Variants in KATNIP observed in about 807,000 individuals in gnomAD.
KATNIP encodes katanin interacting protein, also known as katanin-interacting protein.
KATNIP carries 126 observed loss-of-function variants against 174.0 expected under a neutral mutation model. The ratio of observed to expected loss-of-function variants is 0.72; its 90% CI spans 0.63 to 0.84. The LOEUF is 0.84. Among genes scored for constraint, KATNIP ranks in the 40% least tolerant of loss-of-function variants. The pLI is 0.00. For missense variants in KATNIP, 1,958 were observed against 2,109.7 expected (o/e 0.93, Z 1.41); for synonymous variants, 810 against 835.7 (o/e 0.97, Z 0.53).
At chr16:27,608,178 T>G (rs73533100) in intron 2 of KATNIP, among the ~76,000 whole-genome samples, 2,562 of 151,564 alleles carry the variant, frequency 0.017, 66 homozygotes, top group African/African-American at 0.058. Flanking sequence ...CCAATTCTAG[T>G]TTTTTTTTCC....
chr16:27,720,015 TTTGTTG>T (rs374344841), intron 13 of KATNIP, among the ~76,000 whole-genome samples: 7 of 151,928 alleles, frequency 4.6e-5, no homozygotes, highest in South Asian at 2.1e-4. Flanking sequence ...TTGTGTTTGC[TTTGTTG>T]TTGTTGTTGT....
chr16:27,635,147 C>T (rs2076597160), intron 5 of KATNIP, among the ~76,000 whole-genome samples: 1 of 152,142 alleles, frequency 6.6e-6, no homozygotes, highest in Admixed American at 6.5e-5. Context: ...TAAACAAAAG[C>T]CTTAATGATT....
At chr16:27,632,062 G>T (rs984966691) in intron 5 of KATNIP, among the ~76,000 whole-genome samples, 5 of 152,250 alleles carry the variant, frequency 3.3e-5, no homozygotes, top group Non-Finnish European at 7.3e-5. Flanking sequence ...CAACAGCTAA[G>T]AAGTGGCAGA....
At chr16:27,676,235 A>T (rs58980253) in intron 6 of KATNIP, among the ~76,000 whole-genome samples, 1 of 152,224 alleles carries the variant, frequency 6.6e-6, no homozygotes, top group Non-Finnish European at 1.5e-5. Flanking sequence ...TGTCTTACAT[A>T]TTCTGCTTTC....
At chr16:27,750,817 C>T (rs529560914) in intron 16 of KATNIP, among the ~76,000 whole-genome samples, 5 of 148,934 alleles carry the variant, frequency 3.4e-5, no homozygotes, top group African/African-American at 1.2e-4. Flanking sequence ...GCAGCTTCGA[C>T]CTCCTGGGCT....
At chr16:27,567,659 C>T (rs1596738913) in intron 1 of KATNIP, among the ~76,000 whole-genome samples, 1 of 152,164 alleles carries the variant, frequency 6.6e-6, no homozygotes, top group Non-Finnish European at 1.5e-5. Flanking sequence ...GAGTAGCTGG[C>T]ATTACAGGCA....
At chr16:27,725,210 A>G (rs1001433757) in intron 14 of KATNIP, among the ~76,000 whole-genome samples, 4 of 152,226 alleles carry the variant, frequency 2.6e-5, no homozygotes, top group African/African-American at 9.6e-5. Flanking sequence ...GCATGAATGA[A>G]TAACTGAACA....
At chr16:27,757,741 C>T (rs939152960) in intron 18 of KATNIP, among the ~76,000 whole-genome samples, 4 of 152,152 alleles carry the variant, frequency 2.6e-5, no homozygotes, top group Non-Finnish European at 5.9e-5. Flanking sequence ...TTTTCCTCAC[C>T]GTATTCAAAA....
chr16:27,756,600 C>T (rs938033086), intron 18 of KATNIP, among the ~76,000 whole-genome samples: 2 of 152,208 alleles, frequency 1.3e-5, no homozygotes. Flanking sequence ...ACATCAGAAG[C>T]CTGTGTGCAA....
At chr16:27,683,197 T>C (rs1429411937) in intron 8 of KATNIP, among the ~76,000 whole-genome samples, 2 of 152,212 alleles carry the variant, frequency 1.3e-5, no homozygotes, top group Non-Finnish European at 2.9e-5. Flanking sequence ...GCACAAGCCA[T>C]GCAGTACCAA....
At chr16:27,627,114 A>AT (rs2076357123) in intron 3 of KATNIP, among the ~76,000 whole-genome samples, 3 of 152,142 alleles carry the variant, frequency 2.0e-5, no homozygotes, top group South Asian at 4.1e-4. Context: ...TACTTGCTGC[A>AT]TTTTTGCGGT....
intron 3 of KATNIP, among the ~76,000 whole-genome samples, chr16:27,622,286 G>C (rs2076218212): frequency 6.6e-6 from 1 of 152,154 alleles, no homozygotes. Flanking sequence ...AGCAGAAAGT[G>C]ATTGTGTGCT....
intron 2 of KATNIP, among the ~76,000 whole-genome samples, chr16:27,606,329 C>T (rs1475796742): frequency 2.6e-5 from 4 of 152,054 alleles, no homozygotes; most frequent in African/African-American, 7.2e-5. Flanking sequence ...GGCTTAGGGC[C>T]ATTGGAGCAT....
intron 13 of KATNIP, among the ~76,000 whole-genome samples, chr16:27,714,698 T>C (rs2079847076): frequency 6.6e-6 from 1 of 152,186 alleles, no homozygotes; most frequent in Admixed American, 6.5e-5. Flanking sequence ...GAAACAATTA[T>C]GTTTACAGTA....
chr16:27,579,599 G>A (rs2090619335), intron 2 of KATNIP, among the ~76,000 whole-genome samples: 2 of 152,266 alleles, frequency 1.3e-5, no homozygotes, highest in African/African-American at 2.4e-5. Context: ...ACTTGAGGCT[G>A]ATTCCAGCCT....
At chr16:27,761,296 G>A in intron 18 of KATNIP, 117 bp from the exon 19 acceptor site, 1 of 1,084,650 alleles carries the variant, frequency 9.2e-7, no homozygotes, top group Non-Finnish European at 1.3e-6. Flanking sequence ...GGCACTTTGG[G>A]TCTGGGTTGA....
At chr16:27,622,831 G>A (rs1203756514) in intron 3 of KATNIP, among the ~76,000 whole-genome samples, 5 of 152,168 alleles carry the variant, frequency 3.3e-5, no homozygotes, top group African/African-American at 4.8e-5. Context: ...GGCAGCCCAG[G>A]GAGGTGCCGG....
chr16:27,595,872 C>T (rs1320332822), intron 2 of KATNIP, among the ~76,000 whole-genome samples: 9 of 152,094 alleles, frequency 5.9e-5, no homozygotes, highest in South Asian at 2.1e-4. Context: ...GAGGAAGCCA[C>T]GCAGATCTCT....
chr16:27,590,771 G>A (rs1315773779), intron 2 of KATNIP, among the ~76,000 whole-genome samples: 1 of 152,134 alleles, frequency 6.6e-6, no homozygotes, highest in Non-Finnish European at 1.5e-5. Flanking sequence ...AGCAGCCCGG[G>A]CCCACCTTCA....
Sources: allele counts gnomAD v4.1 joint callset (sites outside exome capture counted in the v4.1 genomes callset), GRCh38; gene constraint gnomAD v4.1.1; transcripts MANE v1.5; gene names NCBI Gene and HGNC (gene_info 2026-07-23, HGNC 2026-07-21).